Variants in CHLSN observed in about 807,000 individuals in gnomAD.
CHLSN encodes the protein protein cholesin.
the CHLSN span, among the ~76,000 whole-genome samples, chr7:1,063,084 C>T: frequency 6.6e-6 from 1 of 152,182 alleles, no homozygotes; most frequent in South Asian, 2.1e-4. Flanking sequence ...CTGGGCTCCT[C>T]CATCCTGTGT....
chr7:1,100,960 C>T, the CHLSN span, among the ~76,000 whole-genome samples: 2 of 152,158 alleles, frequency 1.3e-5, no homozygotes, highest in African/African-American at 4.8e-5. Flanking sequence ...CTGGCCTAGG[C>T]GGGGTCTGCA....
the CHLSN span, chr7:988,613 T>C: frequency 1.2e-6 from 2 of 1,603,446 alleles, no homozygotes; most frequent in South Asian, 1.1e-5. Flanking sequence ...CAGCCCACTC[T>C]GTGCCTGGAC....
At chr7:1,080,015 C>T in the CHLSN span, among the ~76,000 whole-genome samples, 1 of 152,242 alleles carries the variant, frequency 6.6e-6, no homozygotes, top group South Asian at 2.1e-4. Context: ...GGCCGGAAAC[C>T]GGCCACCAAA....
At chr7:1,105,318 A>G in the CHLSN span, among the ~76,000 whole-genome samples, 1 of 152,354 alleles carries the variant, frequency 6.6e-6, no homozygotes, top group South Asian at 2.1e-4. Context: ...CAGGAGACCC[A>G]GGGTGCTGGC....
chr7:1,092,518 G>A, the CHLSN span: 4 of 1,608,058 alleles, frequency 2.5e-6, no homozygotes, highest in Non-Finnish European at 3.4e-6. Context: ...GATCCTCGCG[G>A]TGGTGCTGGT....
At chr7:988,197 C>T in the CHLSN span, 1 of 1,462,982 alleles carries the variant, frequency 6.8e-7, no homozygotes, top group Non-Finnish European at 9.2e-7. Flanking sequence ...GGAGCTACAT[C>T]CTGGAATGAA....
chr7:1,017,244 C>G, the CHLSN span, among the ~76,000 whole-genome samples: 1 of 151,412 alleles, frequency 6.6e-6, no homozygotes, highest in South Asian at 2.1e-4. Flanking sequence ...CCCACTGTCT[C>G]TCAGAGGGAA....
chr7:1,135,956 T>TAAGTATATATAAATATATAC, the CHLSN span, among the ~76,000 whole-genome samples: 2 of 115,014 alleles, frequency 1.7e-5, no homozygotes, highest in Admixed American at 1.0e-4. Flanking sequence ...TAAATATATA[T>TAAGTATATATAAATATATAC]AAATATATAT....
the CHLSN span, among the ~76,000 whole-genome samples, chr7:1,020,896 C>A: frequency 6.6e-6 from 1 of 152,240 alleles, no homozygotes; most frequent in South Asian, 2.1e-4. Context: ...CCTGATACAG[C>A]AGAGCTGGGG....
At chr7:988,807 G>C in the CHLSN span, 1 of 1,583,222 alleles carries the variant, frequency 6.3e-7, no homozygotes, top group Non-Finnish European at 8.5e-7. Context: ...CCCTGTGTGC[G>C]GTGCCCAGGC....
chr7:1,121,852 G>A, the CHLSN span, among the ~76,000 whole-genome samples: 1 of 151,776 alleles, frequency 6.6e-6, no homozygotes, highest in East Asian at 1.9e-4. Context: ...GCAGCGTGCT[G>A]CACCCACCCA....
chr7:987,022 T>C, the CHLSN span: 74 of 1,417,666 alleles, frequency 5.2e-5, no homozygotes, highest in Non-Finnish European at 6.1e-5. Context: ...GGGGCATCCA[T>C]AGTGGAGCCC....
chr7:1,016,540 A>G, the CHLSN span, among the ~76,000 whole-genome samples: 1 of 144,476 alleles, frequency 6.9e-6, no homozygotes, highest in South Asian at 2.2e-4. Context: ...AGCACAAAGC[A>G]GCGCACGCCA....
At chr7:1,074,633 A>C in the CHLSN span, 5 of 152,220 alleles carry the variant, frequency 3.3e-5, no homozygotes, top group Admixed American at 1.3e-4. Context: ...CCTTCCTCAG[A>C]AACACTGCTG....
At chr7:1,009,964 C>G in the CHLSN span, 1 of 1,561,800 alleles carries the variant, frequency 6.4e-7, no homozygotes, top group Non-Finnish European at 8.6e-7. Context: ...AGAGGTAGTC[C>G]AGGGCCAGTT....
chr7:1,054,441 G>A, the CHLSN span, among the ~76,000 whole-genome samples: 1 of 152,234 alleles, frequency 6.6e-6, no homozygotes, highest in Non-Finnish European at 1.5e-5. Flanking sequence ...CCACCTGGAG[G>A]CCGGCGTTCC....
At chr7:1,119,241 G>A in the CHLSN span, among the ~76,000 whole-genome samples, 3 of 151,934 alleles carry the variant, frequency 2.0e-5, no homozygotes, top group African/African-American at 4.8e-5. Context: ...GAATGAAACT[G>A]TATCTCCACC....
the CHLSN span, chr7:984,429 G>A: frequency 6.5e-7 from 1 of 1,548,526 alleles, no homozygotes; most frequent in Non-Finnish European, 8.7e-7. Context: ...AACGCTACGG[G>A]CCGGTGTTCA....
At chr7:1,136,145 T>C in the CHLSN span, among the ~76,000 whole-genome samples, 2 of 87,974 alleles carry the variant, frequency 2.3e-5, no homozygotes, top group Admixed American at 2.7e-4. Context: ...TACATAAATA[T>C]ATAAATATAT....
Sources: gnomAD v4.1 joint callset for allele counts (sites outside exome capture counted in the v4.1 genomes callset) on GRCh38, gnomAD v4.1.1 for gene constraint, MANE v1.5 for transcripts, NCBI Gene and HGNC (gene_info 2026-07-23, HGNC 2026-07-21) for gene names.